RIMS1: variants seen among roughly 807,000 people sequenced by gnomAD.
RIMS1 encodes the protein regulating synaptic membrane exocytosis protein 1.
Under a neutral mutation model 214.1 loss-of-function variants are expected in RIMS1, and 83 were observed. The ratio of observed to expected loss-of-function variants is 0.39; its 90% CI spans 0.32 to 0.47. The LOEUF (loss-of-function observed/expected upper bound fraction) is 0.47. RIMS1 is among the 20% of genes least tolerant of loss of function. The pLI is 0.99. For missense variants in RIMS1, 2,050 were observed against 2,161.8 expected, an observed-to-expected ratio of 0.95 and a Z score of 1.03; for synonymous variants, 793 against 786.8, an observed-to-expected ratio of 1.01 and a Z score of -0.13.
intron 1 of RIMS1, among the ~76,000 whole-genome samples, chr6:71,903,942 G>T (rs1774524077): frequency 6.6e-6 from 1 of 152,064 alleles, no homozygotes; most frequent in Non-Finnish European, 1.5e-5. Flanking sequence ...AAATTCATAT[G>T]CAGTCTTCAT....
chr6:72,323,294 C>T (rs894572590), intron 28 of RIMS1, among the ~76,000 whole-genome samples: 3 of 151,196 alleles, frequency 2.0e-5, no homozygotes, highest in African/African-American at 7.3e-5. Context: ...TGTTTAACAA[C>T]GAGAAAAAGG....
In RIMS1 at chr6:72,104,855, G is replaced by A. The variant is rs539106359; in HGVS notation, c.471+4869G>A. On this transcript the variant is annotated intron_variant, in intron 4 of 33. Transcript: ENST00000521978. ...TTGCTGGGGAGAAGGATCTGCAGAGGTCCTCACATTACCAGTCTGGAGTTA... is the reference window on the plus strand; with the variant it reads ...TTGCTGGGGAGAAGGATCTGCAGAGATCCTCACATTACCAGTCTGGAGTTA... 2.0e-5 allele frequency among the ~76,000 whole-genome samples: 3 copies of A among 152,138 alleles called. No homozygotes were observed. In the East Asian group the frequency reaches 5.8e-4, roughly 29 times the overall value.
chr6:72,033,345 C>T (rs544324987), intron 2 of RIMS1, among the ~76,000 whole-genome samples: 1 of 152,314 alleles, frequency 6.6e-6, no homozygotes. Flanking sequence ...AAGCTCCTGC[C>T]TATTGCTTGC....
At chr6:72,364,457 G>A (rs1452880667) in intron 29 of RIMS1, among the ~76,000 whole-genome samples, 1 of 151,962 alleles carries the variant, frequency 6.6e-6, no homozygotes, top group African/African-American at 2.4e-5. Context: ...TATAGTCTGT[G>A]GCAAATAAAA....
At chr6:71,962,902 A>G (rs913790282) in intron 1 of RIMS1, among the ~76,000 whole-genome samples, 2 of 152,156 alleles carry the variant, frequency 1.3e-5, no homozygotes, top group African/African-American at 4.8e-5. Flanking sequence ...CACATTTCAT[A>G]GTATTCCAGT....
At chr6:71,946,795 T>C (rs1014426016) in intron 1 of RIMS1, among the ~76,000 whole-genome samples, 2 of 151,606 alleles carry the variant, frequency 1.3e-5, no homozygotes, top group Non-Finnish European at 2.9e-5. Context: ...AGTGGGATGA[T>C]ATCAAGCTAA....
intron 27 of RIMS1, among the ~76,000 whole-genome samples, chr6:72,310,794 T>C (rs1402017499): frequency 1.3e-5 from 2 of 152,146 alleles, no homozygotes; most frequent in Non-Finnish European, 2.9e-5. Flanking sequence ...TGTTAACATA[T>C]TAGTTAAAAG....
chr6:72,158,483 T>G (rs2044759851), intron 4 of RIMS1, among the ~76,000 whole-genome samples: 1 of 139,204 alleles, frequency 7.2e-6, no homozygotes, highest in Non-Finnish European at 1.6e-5. Context: ...TATGTATACA[T>G]GTGCCATGTT....
intron 28 of RIMS1, 85 bp downstream of exon 28, chr6:72,313,757 A>G: frequency 7.2e-7 from 1 of 1,379,768 alleles, no homozygotes; most frequent in Non-Finnish European, 9.8e-7. Context: ...TTTTTCTATA[A>G]TACAGTTTAG....
intron 29 of RIMS1, among the ~76,000 whole-genome samples, chr6:72,347,120 A>AATAGATAT (rs776267366): frequency 2.1e-4 from 32 of 151,918 alleles, no homozygotes; most frequent in Non-Finnish European, 4.1e-4. Context: ...CTTGTTAGAC[A>AATAGATAT]CAGTGATTCT....
chr6:72,025,226 A>G (rs950557744), intron 2 of RIMS1, among the ~76,000 whole-genome samples: 6 of 151,956 alleles, frequency 3.9e-5, no homozygotes, highest in Non-Finnish European at 8.8e-5. Flanking sequence ...CTTTTTTGCC[A>G]CGTGCTCCTT....
At chr6:72,040,792 A>G (rs1047698659) in intron 2 of RIMS1, among the ~76,000 whole-genome samples, 10 of 151,894 alleles carry the variant, frequency 6.6e-5, no homozygotes, top group African/African-American at 1.9e-4. Flanking sequence ...ACTTTTGTTT[A>G]CTCTTGATTT....
At chr6:72,014,057 G>A (rs905177596) in intron 2 of RIMS1, among the ~76,000 whole-genome samples, 7 of 152,098 alleles carry the variant, frequency 4.6e-5, no homozygotes, top group South Asian at 4.2e-4. Flanking sequence ...AGACATACTC[G>A]AGACTGGGTA....
chr6:72,367,270 T>G (rs2098066287), intron 29 of RIMS1, among the ~76,000 whole-genome samples: 1 of 152,306 alleles, frequency 6.6e-6, no homozygotes, highest in South Asian at 2.1e-4. Context: ...ACTTTATTCT[T>G]ATTTAAAATT....
chr6:72,047,947 A>T (rs904776291), intron 2 of RIMS1, among the ~76,000 whole-genome samples: 17 of 152,148 alleles, frequency 1.1e-4, no homozygotes, highest in African/African-American at 4.1e-4. Flanking sequence ...GTAGTAATGG[A>T]TTCAAACCCA....
At chr6:72,393,769 T>C (rs1488944040) in intron 31 of RIMS1, among the ~76,000 whole-genome samples, 1 of 151,960 alleles carries the variant, frequency 6.6e-6, no homozygotes, top group Non-Finnish European at 1.5e-5. Context: ...GCTCTTCGTA[T>C]TTTCATTGGA....
At chr6:72,376,755 A>T (rs901755010) in intron 29 of RIMS1, among the ~76,000 whole-genome samples, 2 of 152,078 alleles carry the variant, frequency 1.3e-5, no homozygotes, top group African/African-American at 2.4e-5. Context: ...TCAAAAAAAA[A>T]AAAAAAGAGA....
rs186686038 is a variant in RIMS1, at chr6:72,220,351, T to G, written c.1679-13422T>G. 1.3e-3 allele frequency among the ~76,000 whole-genome samples: 192 copies of G among 152,188 alleles called. 1 individual carries two copies. In the East Asian group the frequency reaches 0.03, roughly 24 times the overall value. On this transcript the variant is annotated intron_variant, in intron 6 of 33. Coordinates refer to ENST00000521978, the MANE Select transcript of RIMS1 (RefSeq NM_014989.7). ...TGGACTCTTGAGGGAAAAAATACTT[T>G]TGCACACAAAATTTTACTTGCAATT...
intron 1 of RIMS1, among the ~76,000 whole-genome samples, chr6:71,888,493 C>T (rs1165994885): frequency 4.6e-5 from 7 of 152,292 alleles, no homozygotes; most frequent in Admixed American, 2.6e-4. Context: ...CTCCCCCACC[C>T]CCTAGAAGTG....
Sources: allele counts gnomAD v4.1 joint callset (sites outside exome capture counted in the v4.1 genomes callset), GRCh38; gene constraint gnomAD v4.1.1; transcripts MANE v1.5; gene names NCBI Gene and HGNC (gene_info 2026-07-23, HGNC 2026-07-21).